Variants in RORA observed in about 807,000 individuals in gnomAD.
RORA encodes nuclear receptor ROR-alpha.
A neutral mutation model predicts 69.5 loss-of-function variants in RORA; 7 were observed. That is an observed-to-expected ratio of 0.10 (90% CI 0.06 to 0.19). RORA has a LOEUF of 0.19. Among genes scored for constraint, RORA ranks in the 10% least tolerant of loss-of-function variants. RORA has a pLI of 1.00. For missense variants in RORA, 457 were observed against 663.0 expected, an observed-to-expected ratio of 0.69 and a Z score of 3.41; for synonymous variants, 261 against 240.8, an observed-to-expected ratio of 1.08 and a Z score of -0.78.
At chr15:60,781,072 G>GTAACA (rs2072245990) in intron 1 of RORA, among the ~76,000 whole-genome samples, 1 of 152,146 alleles carries the variant, frequency 6.6e-6, no homozygotes, top group Admixed American at 6.6e-5. Context: ...CTGTAAAAAG[G>GTAACA]AGAGCTGCAT....
At chr15:61,218,975 G>T (rs927077557) in intron 1 of RORA, among the ~76,000 whole-genome samples, 2 of 152,272 alleles carry the variant, frequency 1.3e-5, no homozygotes, top group Admixed American at 6.5e-5. Flanking sequence ...GCTGTGTCTA[G>T]CTCTGGTGAG....
At chr15:60,824,558 A>C (rs959814346) in intron 1 of RORA, among the ~76,000 whole-genome samples, 1 of 152,168 alleles carries the variant, frequency 6.6e-6, no homozygotes, top group Non-Finnish European at 1.5e-5. Context: ...TGATTAAATC[A>C]GACTAGCTGG....
intron 1 of RORA, among the ~76,000 whole-genome samples, chr15:60,702,081 A>T (rs775975203): frequency 6.6e-6 from 1 of 152,212 alleles, no homozygotes; most frequent in Admixed American, 6.5e-5. Context: ...GAGCACAGGC[A>T]GATGATGGAG....
chr15:60,590,175 A>ATCTATC (rs139753927), intron 2 of RORA, among the ~76,000 whole-genome samples: 1 of 146,712 alleles, frequency 6.8e-6, no homozygotes, highest in Admixed American at 6.7e-5. Context: ...CTCTTCCTCT[A>ATCTATC]TCTCTCTCTC....
chr15:60,998,842 G>C (rs1486733209), intron 1 of RORA, among the ~76,000 whole-genome samples: 1 of 152,140 alleles, frequency 6.6e-6, no homozygotes, highest in African/African-American at 2.4e-5. Flanking sequence ...CAGCATCCTG[G>C]GAGACTGGCA....
intron 2 of RORA, among the ~76,000 whole-genome samples, chr15:60,572,050 A>T (rs909930445): frequency 6.6e-6 from 1 of 152,214 alleles, no homozygotes; most frequent in African/African-American, 2.4e-5. Context: ...GGGAGGCCTG[A>T]TATCTAAATT....
intron 2 of RORA, among the ~76,000 whole-genome samples, chr15:60,581,980 A>G (rs1282593999): frequency 6.6e-6 from 1 of 152,152 alleles, no homozygotes; most frequent in African/African-American, 2.4e-5. Context: ...AATATTTGGT[A>G]AAGAATAAAA....
At chr15:60,872,856 G>A (rs2073571959) in intron 1 of RORA, among the ~76,000 whole-genome samples, 1 of 151,930 alleles carries the variant, frequency 6.6e-6, no homozygotes, top group Admixed American at 6.6e-5. Flanking sequence ...GCACCCCTAT[G>A]TGCTGTTCCC....
chr15:61,145,907 A>ACC (rs1274477738), intron 1 of RORA, among the ~76,000 whole-genome samples: 6 of 152,170 alleles, frequency 3.9e-5, no homozygotes, highest in African/African-American at 7.2e-5. Flanking sequence ...ACAGAAAGAG[A>ACC]CCCACAAAAT....
At chr15:60,579,725 A>C (rs745487453) in intron 2 of RORA, among the ~76,000 whole-genome samples, 30 of 152,206 alleles carry the variant, frequency 2.0e-4, no homozygotes, top group Non-Finnish European at 4.3e-4. Context: ...TAGTGTCCTC[A>C]GAAATAATTG....
At chr15:61,129,653 T>C (rs1041707635) in intron 1 of RORA, among the ~76,000 whole-genome samples, 1 of 152,214 alleles carries the variant, frequency 6.6e-6, no homozygotes, top group Non-Finnish European at 1.5e-5. Flanking sequence ...AGTTTAAAGC[T>C]TGGGTTCTAA....
chr15:60,627,540 G>A, intron 2 of RORA: 3 of 1,396,012 alleles, frequency 2.1e-6, no homozygotes, highest in Non-Finnish European at 2.8e-6. Context: ...CTGCTGCCAT[G>A]GGCAGTGGAA....
intron 1 of RORA, among the ~76,000 whole-genome samples, chr15:60,973,863 C>A (rs1249088593): frequency 6.6e-6 from 1 of 152,220 alleles, no homozygotes; most frequent in Non-Finnish European, 1.5e-5. Flanking sequence ...TTAGGCCCAG[C>A]CATGGGGCTG....
chr15:60,609,528 T>C lies in RORA; in HGVS notation c.196+69129A>G, dbSNP rs79998670. On this transcript the variant is annotated intron_variant, in intron 2 of 10. Transcript: ENST00000335670. ...ACACTCTAGGAAGAGACAATAAATA[T>C]ATATCTGTGGAAAGTCCATAAGATG... Among the ~76,000 whole-genome samples, 451 of 152,236 alleles carry C rather than the reference T, an allele frequency of 3.0e-3. 2 individuals carry two copies. The highest frequency in any genetic ancestry group is 0.01 in the African/African-American group (428 of 41,556).
intron 1 of RORA, among the ~76,000 whole-genome samples, chr15:61,022,669 G>A (rs1017249263): frequency 2.6e-5 from 4 of 152,156 alleles, no homozygotes; most frequent in South Asian, 2.1e-4. Context: ...GGGTAAAAAT[G>A]TGACCCCCTA....
intron 1 of RORA, among the ~76,000 whole-genome samples, chr15:61,023,390 C>T (rs914680038): frequency 6.6e-6 from 1 of 151,996 alleles, no homozygotes; most frequent in Non-Finnish European, 1.5e-5. Context: ...AGGAAGATGC[C>T]AAAGCAGAAA....
At chr15:61,212,415 T>G (rs1411269687) in intron 1 of RORA, among the ~76,000 whole-genome samples, 1 of 152,206 alleles carries the variant, frequency 6.6e-6, no homozygotes, top group Non-Finnish European at 1.5e-5. Flanking sequence ...TTATTTATTT[T>G]TTGGGACGGA....
chr15:61,166,133 G>A (rs1199649285), intron 1 of RORA, among the ~76,000 whole-genome samples: 1 of 152,170 alleles, frequency 6.6e-6, no homozygotes. Flanking sequence ...TGTAGCAAAC[G>A]TAAAGACTGA....
intron 1 of RORA, among the ~76,000 whole-genome samples, chr15:60,773,257 A>G (rs1293732874): frequency 1.3e-5 from 2 of 152,298 alleles, no homozygotes; most frequent in East Asian, 3.9e-4. Context: ...GACTTGAAGA[A>G]TGATCTTTAT....
Sources: allele counts gnomAD v4.1 joint callset (sites outside exome capture counted in the v4.1 genomes callset), GRCh38; gene constraint gnomAD v4.1.1; transcripts MANE v1.5; gene names NCBI Gene and HGNC (gene_info 2026-07-23, HGNC 2026-07-21).